Variants in TNIK observed in about 807,000 individuals in gnomAD.
TNIK encodes TRAF2 and NCK interacting kinase, also known as TRAF2 and NCK-interacting protein kinase.
Under a neutral mutation model 191.3 loss-of-function variants are expected in TNIK, and 49 were observed. The ratio of observed to expected loss-of-function variants is 0.26; its 90% CI spans 0.20 to 0.32. The LOEUF (loss-of-function observed/expected upper bound fraction) is 0.32. TNIK is among the 10% of genes least tolerant of loss of function. The pLI is 1.00. For synonymous variants in TNIK, 594 were observed against 600.9 expected, an observed-to-expected ratio of 0.99 and a Z score of 0.17; for missense variants, 1,155 against 1,702.3, an observed-to-expected ratio of 0.68 and a Z score of 5.66.
chr3:171,246,441 G>A (rs959640921), intron 2 of TNIK, among the ~76,000 whole-genome samples: 1 of 152,092 alleles, frequency 6.6e-6, no homozygotes, highest in African/African-American at 2.4e-5. Context: ...TACTATGTCA[G>A]GTTCTGTTAT....
chr3:171,170,236 A>G (rs979871425), intron 9 of TNIK, among the ~76,000 whole-genome samples: 1 of 152,246 alleles, frequency 6.6e-6, no homozygotes, highest in Admixed American at 6.5e-5. Flanking sequence ...TGGTACCTAC[A>G]GTCTGATAAT....
At chr3:171,093,989 A>G in intron 22 of TNIK, 21 bp from the exon 23 acceptor site, 1 of 1,607,312 alleles carries the variant, frequency 6.2e-7, no homozygotes, top group Non-Finnish European at 8.5e-7. Context: ...AAGGAACAAC[A>G]TTCATGGCAA....
intron 2 of TNIK, among the ~76,000 whole-genome samples, chr3:171,259,385 G>T (rs75093718): frequency 0.023 from 3,432 of 152,260 alleles, 122 homozygotes; most frequent in African/African-American, 0.077. Context: ...GTTGTCTATT[G>T]GCAATTGATA....
At chr3:171,300,990 G>A (rs1230081705) in intron 2 of TNIK, among the ~76,000 whole-genome samples, 1 of 152,110 alleles carries the variant, frequency 6.6e-6, no homozygotes, top group Non-Finnish European at 1.5e-5. Flanking sequence ...AAAACTTTGG[G>A]TAAAGGTTTG....
intron 22 of TNIK, among the ~76,000 whole-genome samples, chr3:171,096,881 G>A (rs998928788): frequency 2.6e-5 from 4 of 152,162 alleles, no homozygotes; most frequent in Admixed American, 2.0e-4. Flanking sequence ...ATTTCATTCA[G>A]ATTTATTGTA....
chr3:171,300,051 A>G (rs1055535851), intron 2 of TNIK, among the ~76,000 whole-genome samples: 1 of 152,252 alleles, frequency 6.6e-6, no homozygotes, highest in Admixed American at 6.5e-5. Flanking sequence ...ACTACTAAAC[A>G]TCAGGAATTG....
intron 2 of TNIK, among the ~76,000 whole-genome samples, chr3:171,295,952 C>T (rs1161538010): frequency 6.6e-6 from 1 of 152,198 alleles, no homozygotes; most frequent in African/African-American, 2.4e-5. Flanking sequence ...GGCTTTGGCT[C>T]AGGACATGTA....
intron 2 of TNIK, among the ~76,000 whole-genome samples, chr3:171,233,385 G>A (rs1238749323): frequency 1.3e-5 from 2 of 152,098 alleles, no homozygotes; most frequent in Admixed American, 6.5e-5. Context: ...TGTAGAATAT[G>A]TAGTAATGGC....
At chr3:171,146,870 G>C (rs1377582414) in intron 12 of TNIK, among the ~76,000 whole-genome samples, 2 of 149,846 alleles carry the variant, frequency 1.3e-5, no homozygotes, top group African/African-American at 2.5e-5. Context: ...ATTGTGCCTG[G>C]GTGACAGAGT....
chr3:171,410,831 T>A (rs1722312366), intron 1 of TNIK, among the ~76,000 whole-genome samples: 1 of 145,864 alleles, frequency 6.9e-6, no homozygotes, highest in South Asian at 2.2e-4. Context: ...TGGTAGAGAC[T>A]CATTTCTGCC....
At chr3:171,133,703 G>T (rs181897482) in intron 15 of TNIK, among the ~76,000 whole-genome samples, 1 of 152,130 alleles carries the variant, frequency 6.6e-6, no homozygotes, top group African/African-American at 2.4e-5. Context: ...ATGGAGGAAA[G>T]ATATAAACTC....
intron 2 of TNIK, among the ~76,000 whole-genome samples, chr3:171,295,390 A>G (rs777897950): frequency 2.6e-5 from 4 of 152,140 alleles, no homozygotes; most frequent in Non-Finnish European, 5.9e-5. Context: ...CCCCTCCCCA[A>G]GAAATGCAGA....
At chr3:171,458,003 A>G (rs1489045662) in intron 1 of TNIK, among the ~76,000 whole-genome samples, 2 of 152,314 alleles carry the variant, frequency 1.3e-5, no homozygotes, top group Admixed American at 6.5e-5. Context: ...CTTCCCGAGG[A>G]AAAAGCCCAT....
intron 1 of TNIK, among the ~76,000 whole-genome samples, chr3:171,427,929 G>A (rs893470513): frequency 3.9e-5 from 6 of 152,136 alleles, no homozygotes; most frequent in African/African-American, 9.7e-5. Context: ...GCACTCCTAC[G>A]TGAGAGGACG....
intron 23 of TNIK, among the ~76,000 whole-genome samples, chr3:171,089,179 C>T (rs189743019): frequency 7.2e-5 from 11 of 152,292 alleles, no homozygotes; most frequent in African/African-American, 2.6e-4. Context: ...TTCTTGGCAA[C>T]CTGCTCCTGG....
intron 3 of TNIK, among the ~76,000 whole-genome samples, chr3:171,220,761 C>T (rs1431474181): frequency 6.6e-6 from 1 of 152,084 alleles, no homozygotes; most frequent in East Asian, 1.9e-4. Flanking sequence ...TTGAGGTACA[C>T]AAATAAAAGG....
At chr3:171,141,754 T>G (rs1730874969) in intron 12 of TNIK, among the ~76,000 whole-genome samples, 1 of 152,232 alleles carries the variant, frequency 6.6e-6, no homozygotes, top group Admixed American at 6.5e-5. Context: ...TGGCCCTTTG[T>G]GTCAGATCCT....
At position 171,110,748 on chromosome 3, in the gene TNIK, T is replaced by C. The variant is rs768977331; in HGVS notation, c.2250A>G (p.Ser750=). 3.1e-6 allele frequency: 5 copies of C among 1,601,658 alleles called. 1 individual carries two copies. In the South Asian group the frequency reaches 5.7e-5, roughly 18 times the overall value. The change falls in exon 19 of 33, where the codon TCA becomes TCG. Residue 750 remains serine (S), a synonymous_variant. Transcript: ENST00000436636. ...PSSQGGSQPG[S]QAGSSERTRV... ...TGGTGCGTTCACTGGATCCTGCTTG[T>C]GATCCAGGCTGGGAGCCTCCTTGGG...
chr3:171,317,995 A>G (rs537027870), intron 2 of TNIK, among the ~76,000 whole-genome samples: 2 of 152,298 alleles, frequency 1.3e-5, no homozygotes, highest in South Asian at 4.1e-4. Flanking sequence ...AGTGCTTGAC[A>G]TTTAGAAAGC....
Sources: gnomAD v4.1 joint callset for allele counts (sites outside exome capture counted in the v4.1 genomes callset) on GRCh38, gnomAD v4.1.1 for gene constraint, MANE v1.5 for transcripts, NCBI Gene and HGNC (gene_info 2026-07-23, HGNC 2026-07-21) for gene names.